CDC7: variants seen among roughly 807,000 people sequenced by gnomAD.
CDC7 encodes the protein cell division cycle 7-related protein kinase.
CDC7 carries 34 observed loss-of-function variants against 53.5 expected under a neutral mutation model. The observed-to-expected ratio is 0.64, with a 90% confidence interval of 0.48 to 0.85. The LOEUF (loss-of-function observed/expected upper bound fraction) is 0.85, where lower values mean the gene tolerates loss of function less well. CDC7 is among the 40% of genes least tolerant of loss of function. The pLI is 0.00. For missense variants in CDC7, 594 were observed against 679.7 expected, an observed-to-expected ratio of 0.87 and a Z score of 1.40; for synonymous variants, 211 against 222.8, an observed-to-expected ratio of 0.95 and a Z score of 0.47.
intron 11 of CDC7, among the ~76,000 whole-genome samples, chr1:91,522,938 G>A (rs1333891800): frequency 6.6e-6 from 1 of 152,166 alleles, no homozygotes; most frequent in Non-Finnish European, 1.5e-5. Flanking sequence ...GCATCTAAAT[G>A]TTGTGGTACT....
intron 11 of CDC7, among the ~76,000 whole-genome samples, 177 bp downstream of exon 11, chr1:91,520,456 C>G (rs1196696472): frequency 2.0e-5 from 3 of 152,126 alleles, no homozygotes; most frequent in Non-Finnish European, 4.4e-5. Flanking sequence ...CCTCTCTATA[C>G]ATATAATCAT....
At chr1:91,501,363 C>G (rs954101969) in intron 1 of CDC7, 27 of 239,152 alleles carry the variant, frequency 1.1e-4, no homozygotes, top group Middle Eastern at 1.5e-3. Flanking sequence ...GCCCCTCCCC[C>G]ACGCGGTCCC....
intron 1 of CDC7, chr1:91,501,167 C>T (rs906151761): frequency 3.3e-5 from 5 of 152,326 alleles, no homozygotes; most frequent in Non-Finnish European, 5.9e-5. Flanking sequence ...TCGCGGCCAG[C>T]GCTGGCCGGC....
chr1:91,501,926 A>G (rs1666712726), intron 2 of CDC7, 95 bp downstream of exon 2: 2 of 895,434 alleles, frequency 2.2e-6, no homozygotes, highest in Admixed American at 4.2e-5. Flanking sequence ...ATTGAATCTT[A>G]TAAAGTGAAT....
At chr1:91,523,270 G>A (rs1668071446) in intron 11 of CDC7, among the ~76,000 whole-genome samples, 1 of 152,096 alleles carries the variant, frequency 6.6e-6, no homozygotes, top group Non-Finnish European at 1.5e-5. Flanking sequence ...AAAGGGGAGG[G>A]AAGAGGCTTA....
intron 4 of CDC7, 63 bp from the exon 5 acceptor site, chr1:91,511,534 A>T: frequency 9.7e-7 from 1 of 1,029,846 alleles, no homozygotes; most frequent in Non-Finnish European, 1.5e-6. Context: ...TTTTAAAATT[A>T]GGCATAAAGT....
rs951582207 is a variant in CDC7, at chr1:91,525,098, T to A, written c.*663T>A. ...TCCTTCTCTGCCCCTACCTAAAACA[T>A]TCTCCTCGGAAATTACATGGTGCTG... On this transcript the variant is annotated 3_prime_UTR_variant, in exon 12 of 12. Coordinates refer to ENST00000234626, the MANE Select transcript of CDC7 (RefSeq NM_003503.4). The A allele has an allele frequency of 1.3e-5, 2 of 152,190 alleles. No individual in the cohort carries two copies. Among genetic ancestry groups the A allele is most frequent in the African/African-American group, 4.8e-5 (2 of 41,444 alleles). The allele number at this position is 152,190 out of a possible 1,614,324, so 9.4% of individuals were successfully genotyped here.
chr1:91,508,168 T>C, intron 3 of CDC7, 94 bp from the exon 4 acceptor site: 1 of 945,838 alleles, frequency 1.1e-6, no homozygotes. Flanking sequence ...TAATGTATTA[T>C]GCCATTGAAA....
chr1:91,524,579 A>G lies in CDC7; in HGVS notation c.*144A>G. On this transcript the variant is annotated 3_prime_UTR_variant, in exon 12 of 12. Transcript: ENST00000234626. ...AGTGTTTGGTGGCACATTCTAAAATATAGATTAAGAATACTTAAAATGCCT... is the reference window on the plus strand; with the variant it reads ...AGTGTTTGGTGGCACATTCTAAAATGTAGATTAAGAATACTTAAAATGCCT... 1.6e-6 allele frequency: 1 copy of G among 644,396 alleles called. No homozygotes were observed. Among genetic ancestry groups the G allele is most frequent in the Non-Finnish European group, 2.6e-6 (1 of 383,760 alleles). 39.9% of individuals were successfully genotyped at this position (644,396 alleles called of 1,614,324 possible). A position where few individuals can be genotyped will look rare whatever the true frequency, so the allele number is the denominator to read the frequency against.
At position 91,513,046 on chromosome 1, in the gene CDC7, T is replaced by C. The variant is rs751586462; in HGVS notation, c.573-12T>C. 6.2e-7 allele frequency: 1 copy of C among 1,609,626 alleles called. No homozygotes were observed. Among genetic ancestry groups the C allele is most frequent in the Non-Finnish European group, 8.5e-7 (1 of 1,177,668 alleles). ...CTACAGATAAGTAAAAATGCTTAAT[T>C]TTGTCTCTTAGGTATGCCTTGGTAG... On this transcript the variant is annotated splice_polypyrimidine_tract_variant and intron_variant, in intron 6 of 11. Coordinates refer to ENST00000234626, the MANE Select transcript of CDC7 (RefSeq NM_003503.4).
intron 4 of CDC7, among the ~76,000 whole-genome samples, chr1:91,510,761 T>A (rs550662682): frequency 7.2e-5 from 11 of 152,208 alleles, no homozygotes; most frequent in Admixed American, 3.3e-4. Flanking sequence ...TCCTTCTGTT[T>A]TGTTTCTTCC....
intron 5 of CDC7, 42 bp from the exon 6 acceptor site, chr1:91,511,739 A>T: frequency 5.0e-6 from 8 of 1,597,066 alleles, no homozygotes; most frequent in Non-Finnish European, 6.8e-6. Context: ...ATTTAATTGC[A>T]AACAATATTT....
At chr1:91,519,203 G>A (rs1042706186) in intron 10 of CDC7, among the ~76,000 whole-genome samples, 88 of 145,928 alleles carry the variant, frequency 6.0e-4, no homozygotes, top group Admixed American at 2.9e-4. Flanking sequence ...TTGAGCCCAG[G>A]AGCTTGAGAC....
At chr1:91,509,278 AG>A (rs1336057069) in intron 4 of CDC7, among the ~76,000 whole-genome samples, 1 of 151,430 alleles carries the variant, frequency 6.6e-6, no homozygotes, top group Admixed American at 6.6e-5. Flanking sequence ...TCTTAACTAC[AG>A]GTTTGTGTAT....
In CDC7 at chr1:91,515,865, A is replaced by G. The variant is rs749551273; in HGVS notation, c.1169A>G (p.Asn390Ser). Residue 390 changes from asparagine (N) to serine (S), a missense_variant, in exon 10 of 12, where the codon AAT (asparagine) becomes AGT (serine). Physicochemically the swap from Asn to Ser is conservative, Grantham distance 46 (BLOSUM62 1). Coordinates refer to ENST00000234626, the MANE Select transcript of CDC7 (RefSeq NM_003503.4). ...CCAGAGGTCTTGACAAAGTGCCCCAATCAAACTACAGGTATGTTGTACTGG... is the reference window on the plus strand; with the variant it reads ...CCAGAGGTCTTGACAAAGTGCCCCAGTCAAACTACAGGTATGTTGTACTGG... ...RAPEVLTKCP[N>S]QTTAIDMWSA... The G allele has an allele frequency of 4.3e-6, 7 of 1,613,150 alleles. No individual in the cohort carries two copies. Among genetic ancestry groups the G allele is most frequent in the Middle Eastern group, 1.6e-4 (1 of 6,082 alleles).
chr1:91,524,163 C>T lies in CDC7; in HGVS notation c.1453C>T (p.His485Tyr), dbSNP rs761527953. 1.9e-6 allele frequency: 3 copies of T among 1,614,042 alleles called. No homozygotes were observed. Among genetic ancestry groups the T allele is most frequent in the Non-Finnish European group, 2.5e-6 (3 of 1,179,960 alleles). Residue 485 changes from histidine (H) to tyrosine (Y), a missense_variant, in exon 12 of 12, where the codon CAT (histidine) becomes TAT (tyrosine). His to Tyr is a moderately conservative substitution (Grantham distance 83, BLOSUM62 2). Transcript: ENST00000234626. Reference protein sequence around the residue: ...LTSDIQGHASHQPAISEKTDH... With the variant: ...LTSDIQGHASYQPAISEKTDH... ...AAGTGATATACAAGGGCATGCTTCT[C>T]ATCAACCAGCTATTTCAGAGAAGAC...
Position 91,501,664 on chromosome 1 carries a change from C to A in CDC7, c.-53C>A. 2 of 1,255,442 alleles carry A rather than the reference C, an allele frequency of 1.6e-6. No homozygotes were observed. The highest frequency in any genetic ancestry group is 2.3e-6 in the Non-Finnish European group (2 of 861,644). The allele number at this position is 1,255,442 out of a possible 1,614,324, so 77.8% of individuals were successfully genotyped here. ...TTCTAATTTTCACAGCTGCTTTGCT[C>A]CCCCTGTGGATGTAACCCCTTAGCT... On this transcript the variant is annotated 5_prime_UTR_variant, in exon 2 of 12. Transcript: ENST00000234626.
rs1159661062 is a variant in CDC7, at chr1:91,525,665, T to A, written c.*1230T>A. 1 of 152,078 alleles carries A rather than the reference T, an allele frequency of 6.6e-6. No homozygotes were observed. The highest frequency in any genetic ancestry group is 1.5e-5 in the Non-Finnish European group (1 of 67,966). 9.4% of individuals were successfully genotyped at this position (152,078 alleles called of 1,614,324 possible). ...ATCTGTTTGGTAAGTATAGGATATATAAACCATTACCATTGATCTGTCTTA... is the reference window on the plus strand; with the variant it reads ...ATCTGTTTGGTAAGTATAGGATATAAAAACCATTACCATTGATCTGTCTTA... On this transcript the variant is annotated 3_prime_UTR_variant, in exon 12 of 12. Coordinates refer to ENST00000234626, the MANE Select transcript of CDC7 (RefSeq NM_003503.4).
chr1:91,520,326 C>T (rs771277424), intron 11 of CDC7, 47 bp downstream of exon 11: 1 of 1,393,288 alleles, frequency 7.2e-7, no homozygotes, highest in Non-Finnish European at 9.7e-7. Context: ...CTTTGATTAT[C>T]TCCTACAAAT....
Sources: allele counts gnomAD v4.1 joint callset (sites outside exome capture counted in the v4.1 genomes callset), GRCh38; gene constraint gnomAD v4.1.1; transcripts MANE v1.5; gene names NCBI Gene and HGNC (gene_info 2026-07-23, HGNC 2026-07-21).